Variants in AOPEP observed in about 807,000 individuals in gnomAD.
The protein encoded by AOPEP is aminopeptidase O (putative).
Under a neutral mutation model 98.1 loss-of-function variants are expected in AOPEP, and 77 were observed. The ratio of observed to expected loss-of-function variants is 0.78; its 90% CI spans 0.65 to 0.95. The LOEUF (loss-of-function observed/expected upper bound fraction) is 0.95. Among genes scored for constraint, AOPEP ranks in the 40% least tolerant of loss-of-function variants. The pLI is 0.00. For missense variants in AOPEP, 1,024 were observed against 1,024.7 expected, an observed-to-expected ratio of 1.00 and a Z score of 0.01; for synonymous variants, 346 against 365.3, an observed-to-expected ratio of 0.95 and a Z score of 0.60.
intron 2 of AOPEP, chr9:94,763,125 A>G: frequency 2.2e-6 from 1 of 461,986 alleles, no homozygotes; most frequent in Non-Finnish European, 4.5e-6. Flanking sequence ...CTCATTTTAC[A>G]GGTAAGAAAA....
At chr9:95,107,587 G>T in the AOPEP span, 1 of 463,998 alleles carries the variant, frequency 2.2e-6, no homozygotes, top group Middle Eastern at 6.1e-4. Context: ...GTGGGAAAAA[G>T]AACAAAAGGC....
the AOPEP span, chr9:95,101,231 T>A: frequency 2.8e-4 from 73 of 260,444 alleles, no homozygotes; most frequent in Non-Finnish European, 4.7e-4. Flanking sequence ...AATTTCTCCA[T>A]ACAGCAAGAC....
At chr9:94,885,299 A>G (rs182008241) in intron 5 of AOPEP, among the ~76,000 whole-genome samples, 169 of 131,856 alleles carry the variant, frequency 1.3e-3, no homozygotes, top group African/African-American at 4.7e-3. Context: ...TAGTGAGCCA[A>G]GATCATACAA....
intron 6 of AOPEP, among the ~76,000 whole-genome samples, chr9:94,926,667 C>G (rs2054387787): frequency 1.3e-5 from 2 of 152,256 alleles, no homozygotes; most frequent in African/African-American, 4.8e-5. Context: ...TGCCACCTCC[C>G]AGGTGCTCCT....
At chr9:94,897,197 A>G (rs993293776) in intron 5 of AOPEP, among the ~76,000 whole-genome samples, 3 of 152,154 alleles carry the variant, frequency 2.0e-5, no homozygotes, top group African/African-American at 7.2e-5. Context: ...AAGATATATT[A>G]ATCAGAATAG....
intron 5 of AOPEP, among the ~76,000 whole-genome samples, chr9:94,818,697 T>C (rs1284040444): frequency 1.3e-5 from 2 of 152,218 alleles, no homozygotes; most frequent in Non-Finnish European, 2.9e-5. Context: ...CTTTTCCACA[T>C]TTAATAACAA....
intron 11 of AOPEP, among the ~76,000 whole-genome samples, chr9:94,990,288 T>G (rs1318975269): frequency 6.6e-6 from 1 of 151,974 alleles, no homozygotes; most frequent in East Asian, 1.9e-4. Context: ...TTTGGACACA[T>G]GGGCAGTACC....
chr9:94,983,020 GTTTTGTTTTTGT>G lies in AOPEP; in HGVS notation c.1977+3604_1977+3615del, dbSNP rs148742287. ...CAGAACTGCGCTTTTGTTTTGTTTT[GTTTTGTTTTTGT>G]TTTTGTTTTTTTTGAGACAGAGTCT... On this transcript the variant is annotated intron_variant, in intron 11 of 16. Coordinates refer to ENST00000375315, the MANE Select transcript of AOPEP (RefSeq NM_001193329.3). Among the ~76,000 whole-genome samples the G allele has an allele frequency of 7.2e-3, 1,094 of 151,554 alleles. 14 individuals are homozygous for G. The highest frequency in any genetic ancestry group is 0.025 in the African/African-American group (1,012 of 41,286).
intron 5 of AOPEP, among the ~76,000 whole-genome samples, chr9:94,890,328 A>C (rs563762847): frequency 6.6e-6 from 1 of 151,732 alleles, no homozygotes; most frequent in Non-Finnish European, 1.5e-5. Flanking sequence ...TCAGCCTTCC[A>C]AGTAGCTGGG....
At chr9:94,893,832 G>A (rs889547291) in intron 5 of AOPEP, among the ~76,000 whole-genome samples, 1 of 152,118 alleles carries the variant, frequency 6.6e-6, no homozygotes, top group Non-Finnish European at 1.5e-5. Context: ...AATGTAAAAT[G>A]TGTAATTGTC....
At chr9:95,128,634 G>C in the AOPEP span, among the ~76,000 whole-genome samples, 551 of 152,328 alleles carry the variant, frequency 3.6e-3, 4 homozygotes, top group African/African-American at 0.012. Context: ...AAGAGAGTGA[G>C]AGCTTAGATC....
intron 14 of AOPEP, among the ~76,000 whole-genome samples, chr9:95,062,764 G>A (rs1302591012): frequency 1.3e-5 from 2 of 152,204 alleles, no homozygotes; most frequent in Non-Finnish European, 2.9e-5. Context: ...ATGTCGAGGG[G>A]TTGTGGGGCC....
intron 14 of AOPEP, among the ~76,000 whole-genome samples, chr9:95,067,014 C>G (rs943295183): frequency 1.3e-5 from 2 of 152,130 alleles, no homozygotes; most frequent in Non-Finnish European, 2.9e-5. Context: ...AGCCATATTC[C>G]CATTTAAAGT....
chr9:94,821,970 A>AACAC (rs34645632), intron 5 of AOPEP, among the ~76,000 whole-genome samples: 11,451 of 141,288 alleles, frequency 0.081, 509 homozygotes, highest in South Asian at 0.17. Context: ...TGTGTGTGTA[A>AACAC]ACACACACAC....
At chr9:94,975,771 C>G (rs77123788) in intron 10 of AOPEP, among the ~76,000 whole-genome samples, 1 of 152,184 alleles carries the variant, frequency 6.6e-6, no homozygotes, top group Non-Finnish European at 1.5e-5. Context: ...AGTTCTCTGC[C>G]GTGTCCCTCT....
At chr9:95,067,287 C>T (rs546265834) in intron 14 of AOPEP, among the ~76,000 whole-genome samples, 5 of 152,290 alleles carry the variant, frequency 3.3e-5, no homozygotes, top group East Asian at 3.9e-4. Flanking sequence ...CAGGCCTGCT[C>T]TGCGTGTAAT....
At chr9:95,148,445 T>A in the AOPEP span, among the ~76,000 whole-genome samples, 6 of 152,240 alleles carry the variant, frequency 3.9e-5, no homozygotes, top group African/African-American at 1.4e-4. Flanking sequence ...ATTAGCAAAG[T>A]GACTCAGTCC....
At chr9:94,857,543 T>C (rs967440175) in intron 5 of AOPEP, among the ~76,000 whole-genome samples, 4 of 152,230 alleles carry the variant, frequency 2.6e-5, no homozygotes, top group African/African-American at 9.6e-5. Flanking sequence ...CTTCTCAGTG[T>C]ATCTCACCTT....
chr9:95,048,460 G>A (rs916192263), intron 13 of AOPEP, among the ~76,000 whole-genome samples: 3 of 151,992 alleles, frequency 2.0e-5, no homozygotes, highest in African/African-American at 4.8e-5. Flanking sequence ...GCGGGGCCTG[G>A]GGCGCAGGGG....
Sources: gnomAD v4.1 joint callset for allele counts (sites outside exome capture counted in the v4.1 genomes callset) on GRCh38, gnomAD v4.1.1 for gene constraint, MANE v1.5 for transcripts, NCBI Gene and HGNC (gene_info 2026-07-23, HGNC 2026-07-21) for gene names.